Variants in CCR9 observed in about 807,000 individuals in gnomAD.
CCR9 encodes the protein C-C chemokine receptor type 9.
CCR9 carries 4 observed loss-of-function variants against 8.7 expected under a neutral mutation model. The observed-to-expected ratio is 0.46, with a 90% CI of 0.23 to 1.06. The LOEUF (loss-of-function observed/expected upper bound fraction) is 1.06. Ranked by LOEUF, CCR9 falls within the 50% of genes least tolerant of loss-of-function variation. The pLI is 0.21. For synonymous variants in CCR9, 159 were observed against 168.8 expected (o/e 0.94, Z 0.45); for missense variants, 394 against 453.6 (o/e 0.87, Z 1.19).
intron 2 of CCR9, chr3:45,897,723 C>T: frequency 1.2e-6 from 1 of 842,232 alleles, no homozygotes; most frequent in Middle Eastern, 2.3e-4. Context: ...TGTGCTTGTC[C>T]TTCTGCCAAG....
At chr3:45,888,040 C>G (rs182375701) in intron 1 of CCR9, among the ~76,000 whole-genome samples, 2 of 152,182 alleles carry the variant, frequency 1.3e-5, no homozygotes, top group Non-Finnish European at 2.9e-5. Flanking sequence ...TGCACAATAA[C>G]CCCATGCTGA....
Position 45,897,463 on chromosome 3 carries a change from TG to T in CCR9, c.21+2512del, listed in dbSNP as rs1013975600. On this transcript the variant is annotated intron_variant, in intron 2 of 2. Transcript: ENST00000357632. ...AATGTCCTTGTCTGGGATTCAGTCT[TG>T]GGAGTGTTAGCTGTGCCTGCTCACC... The T allele has an allele frequency of 3.9e-5, 30 of 760,194 alleles. No individual in the cohort carries two copies. The African/African-American group carries it at 5.0e-4, about 13-fold the overall frequency. 47.1% of individuals were successfully genotyped at this position (760,194 alleles called of 1,614,324 possible).
Position 45,901,763 on chromosome 3 carries a change from C to T in CCR9, c.975C>T (p.Arg325=). 1 of 1,614,168 alleles carries T rather than the reference C, an allele frequency of 6.2e-7. No individual in the cohort carries two copies. The highest frequency in any genetic ancestry group is 1.1e-5 in the South Asian group (1 of 91,080). ...ATGTTTTTGTGGGTGAGAGATTCCG[C>T]CGGGATCTCGTGAAAACCCTGAAGA... is the stretch of plus-strand genomic sequence containing the variant. The part of the protein sequence containing the change: ...VLYVFVGERF[R]RDLVKTLKNL... The change falls in exon 3 of 3, where the codon CGC becomes CGT. Residue 325 remains arginine, a synonymous_variant. Coordinates refer to ENST00000357632, the MANE Select transcript of CCR9 (RefSeq NM_031200.3). This position sits in a 1 kb window ranked among gnomAD's most constrained non-coding sequence, Gnocchi z 4.3.
At position 45,902,213 on chromosome 3, in the gene CCR9, T is replaced by C. The variant is rs201599717; in HGVS notation, c.*315T>C. On this transcript the variant is annotated 3_prime_UTR_variant, in exon 3 of 3. Transcript: ENST00000357632. ...AATGCCGCTGCCTCTGGAGGAGCCC[T>C]TGGATTTTCTCCATGCACTGTGAAC... The C allele has an allele frequency of 3.9e-6, 1 of 253,914 alleles. No homozygotes were observed. Among genetic ancestry groups the C allele is most frequent in the Non-Finnish European group, 8.0e-6 (1 of 124,234 alleles). The allele number at this position is 253,914 out of a possible 1,614,324, so 15.7% of individuals were successfully genotyped here.
chr3:45,888,238 G>A (rs924879189), intron 1 of CCR9, among the ~76,000 whole-genome samples: 16 of 152,148 alleles, frequency 1.1e-4, no homozygotes, highest in African/African-American at 3.9e-4. Flanking sequence ...TAGTGCATAT[G>A]TTTTCCCACC....
In CCR9 at chr3:45,901,470, G is replaced by T. The variant is rs200677145; in HGVS notation, c.682G>T (p.Val228Leu). ...KVILGFFLPFVVMACCYTIII... is the reference protein window; with the variant it reads ...KVILGFFLPFLVMACCYTIII... Reference sequence around the variant, plus strand: ...CATTCTGGGGTTCTTCCTTCCCTTCGTGGTCATGGCTTGCTGCTATACCAT... The same window carrying T: ...CATTCTGGGGTTCTTCCTTCCCTTCTTGGTCATGGCTTGCTGCTATACCAT... Residue 228 changes from valine (V) to leucine (L), a missense_variant, in exon 3 of 3, where the codon GTG becomes TTG. Physicochemically the swap from Val to Leu is conservative, Grantham distance 32. Coordinates refer to ENST00000357632, the MANE Select transcript of CCR9 (RefSeq NM_031200.3). This position sits in a 1 kb window ranked among gnomAD's most constrained non-coding sequence, Gnocchi z 4.3. 6.2e-7 allele frequency: 1 copy of T among 1,614,120 alleles called. No individual in the cohort carries two copies. Among genetic ancestry groups the T allele is most frequent in the Non-Finnish European group, 8.5e-7 (1 of 1,180,014 alleles).
chr3:45,894,091 C>T (rs766978354), intron 1 of CCR9, among the ~76,000 whole-genome samples: 9 of 152,160 alleles, frequency 5.9e-5, no homozygotes, highest in Non-Finnish European at 1.0e-4. Flanking sequence ...AGCTCAGGCA[C>T]AGACTTCGTC....
chr3:45,897,730 C>T (rs1333954558), intron 2 of CCR9: 2 of 728,044 alleles, frequency 2.7e-6, no homozygotes, highest in South Asian at 1.9e-5. Context: ...GTCCTTCTGC[C>T]AAGCATGCCC....
rs1313620384 is a variant in CCR9 at position 45,901,709 on chromosome 3, C to T, written c.921C>T (p.Phe307=). 6.2e-7 allele frequency: 1 copy of T among 1,614,216 alleles called. No individual in the cohort carries two copies. The highest frequency in any genetic ancestry group is 1.7e-5 in the Admixed American group (1 of 60,034). The change falls in exon 3 of 3, where the codon TTC becomes TTT. Residue 307 remains phenylalanine (F), a synonymous_variant. Coordinates refer to ENST00000357632, the MANE Select transcript of CCR9 (RefSeq NM_031200.3). This position sits in a 1 kb window ranked among gnomAD's most constrained non-coding sequence, Gnocchi z 4.3. ...TCCAGGTCACCCAGACCATCGCCTT[C>T]TTCCACAGTTGCCTGAACCCTGTTC... ...ICFQVTQTIA[F]FHSCLNPVLY... is the part of the protein sequence containing the mutation.
intron 1 of CCR9, 134 bp downstream of exon 1, chr3:45,886,789 TA>T (rs776305049): frequency 1.7e-4 from 26 of 152,374 alleles, no homozygotes; most frequent in Non-Finnish European, 3.5e-4. Flanking sequence ...GGCACTTTTC[TA>T]GAAACTTCCA....
Position 45,901,730 on chromosome 3 carries a change from T to C in CCR9, c.942T>C (p.Pro314=), listed in dbSNP as rs1214728852. 1.2e-6 allele frequency: 2 copies of C among 1,614,228 alleles called. No homozygotes were observed. Among genetic ancestry groups the C allele is most frequent in the Non-Finnish European group, 1.7e-6 (2 of 1,180,036 alleles). The change falls in exon 3 of 3, where the codon CCT becomes CCC. Residue 314 remains proline (P), a synonymous_variant. Transcript: ENST00000357632. This position sits in a 1 kb window ranked among gnomAD's most constrained non-coding sequence, Gnocchi z 4.3. ...CCTTCTTCCACAGTTGCCTGAACCCTGTTCTCTATGTTTTTGTGGGTGAGA... is the reference window on the plus strand; with the variant it reads ...CCTTCTTCCACAGTTGCCTGAACCCCGTTCTCTATGTTTTTGTGGGTGAGA... The part of the protein sequence containing the change: ...TIAFFHSCLN[P]VLYVFVGERF...
chr3:45,901,625 T>A lies in CCR9; in HGVS notation c.837T>A (p.Ile279=). Residue 279 remains isoleucine (I), a synonymous_variant, in exon 3 of 3, where the codon ATT becomes ATA. Transcript: ENST00000357632. This position sits in a 1 kb window ranked among gnomAD's most constrained non-coding sequence, Gnocchi z 4.3. ...ACTGCATTTTGTTGGTGCAGACCAT[T>A]GACGCCTATGCCATGTTCATCTCCA... ...PYNCILLVQT[I]DAYAMFISNC... 6.2e-7 allele frequency: 1 copy of A among 1,614,250 alleles called. No individual in the cohort carries two copies. The highest frequency in any genetic ancestry group is 1.1e-5 in the South Asian group (1 of 91,082).
chr3:45,899,309 G>T (rs953637756), intron 2 of CCR9, among the ~76,000 whole-genome samples: 1 of 152,186 alleles, frequency 6.6e-6, no homozygotes, highest in Non-Finnish European at 1.5e-5. Context: ...CTAAAACATG[G>T]TTTGGGAAAT....
chr3:45,895,584 T>C (rs1702327625), intron 2 of CCR9, among the ~76,000 whole-genome samples: 1 of 152,232 alleles, frequency 6.6e-6, no homozygotes, highest in Non-Finnish European at 1.5e-5. Context: ...TGTGGTGGCA[T>C]GCGCATGTAA....
chr3:45,892,174 AAC>A (rs1234995593), intron 1 of CCR9, among the ~76,000 whole-genome samples: 1 of 152,192 alleles, frequency 6.6e-6, no homozygotes, highest in African/African-American at 2.4e-5. Flanking sequence ...ATGTATGTGA[AAC>A]ACACATACAT....
chr3:45,888,702 A>T (rs1308731438), intron 1 of CCR9, among the ~76,000 whole-genome samples: 1 of 152,052 alleles, frequency 6.6e-6, no homozygotes, highest in Non-Finnish European at 1.5e-5. Flanking sequence ...TCCCCCCTAT[A>T]TTTTTCCCGC....
chr3:45,894,008 G>A (rs1463437160), intron 1 of CCR9, among the ~76,000 whole-genome samples: 1 of 152,070 alleles, frequency 6.6e-6, no homozygotes, highest in Non-Finnish European at 1.5e-5. Flanking sequence ...TATTTTTTTC[G>A]AGAACCTTGG....
intron 1 of CCR9, among the ~76,000 whole-genome samples, chr3:45,888,863 A>AT (rs1298872344): frequency 6.6e-6 from 1 of 152,194 alleles, no homozygotes; most frequent in African/African-American, 2.4e-5. Context: ...AGGGAGGGGT[A>AT]TGTCCTGTTT....
In CCR9 at chr3:45,901,902, G is replaced by T; in HGVS notation, c.*4G>T. ...CTCAGGAGCACTCTCCCTCTGAGGG[G>T]TCTTCTCTGAGGTGCATGGTTCTTT... is the stretch of plus-strand genomic sequence containing the variant. On this transcript the variant is annotated 3_prime_UTR_variant, in exon 3 of 3. Coordinates refer to ENST00000357632, the MANE Select transcript of CCR9 (RefSeq NM_031200.3). The surrounding 1 kb of genome is among the most constrained non-coding windows in gnomAD (Gnocchi z 4.3). 6.3e-7 allele frequency: 1 copy of T among 1,580,178 alleles called. No homozygotes were observed. Among genetic ancestry groups the T allele is most frequent in the Non-Finnish European group, 8.6e-7 (1 of 1,160,358 alleles).
Sources: allele counts gnomAD v4.1 joint callset (sites outside exome capture counted in the v4.1 genomes callset), GRCh38; gene constraint gnomAD v4.1.1; non-coding constraint Gnocchi (gnomAD v3.1); transcripts MANE v1.5; gene names NCBI Gene and HGNC (gene_info 2026-07-23, HGNC 2026-07-21).